The following DENND1A variants were observed in gnomAD, a reference collection of about 807,000 sequenced individuals.
The protein encoded by DENND1A is DENN domain-containing protein 1A.
A neutral mutation model predicts 113.7 loss-of-function variants in DENND1A; 51 were observed. That is an observed-to-expected ratio of 0.45 (90% CI 0.36 to 0.57). The LOEUF is 0.57. Among genes scored for constraint, DENND1A ranks in the 20% least tolerant of loss-of-function variants. The pLI, the probability that DENND1A is intolerant of heterozygous loss-of-function variation, is 0.00. For missense variants in DENND1A, 1,258 were observed against 1,395.9 expected, an observed-to-expected ratio of 0.90 and a Z score of 1.57; for synonymous variants, 565 against 570.8, an observed-to-expected ratio of 0.99 and a Z score of 0.14.
chr9:123,557,823 T>C, intron 12 of DENND1A, 128 bp from the exon 13 acceptor site: 2 of 1,133,410 alleles, frequency 1.8e-6, no homozygotes, highest in East Asian at 2.7e-5. Context: ...CCTCAGTTAC[T>C]GGGAGGACAA....
intron 5 of DENND1A, among the ~76,000 whole-genome samples, chr9:123,743,118 T>C (rs1010072210): frequency 2.6e-5 from 4 of 152,100 alleles, no homozygotes; most frequent in Non-Finnish European, 5.9e-5. Flanking sequence ...AAAAAATCTC[T>C]CCTGAGCGAG....
chr9:123,752,673 T>C (rs1051467783), intron 5 of DENND1A, among the ~76,000 whole-genome samples: 3 of 152,250 alleles, frequency 2.0e-5, no homozygotes, highest in Non-Finnish European at 4.4e-5. Context: ...CATTACAGTT[T>C]TGGCCTTGAT....
intron 15 of DENND1A, among the ~76,000 whole-genome samples, chr9:123,455,201 T>C (rs2048025904): frequency 6.6e-6 from 1 of 152,048 alleles, no homozygotes; most frequent in African/African-American, 2.4e-5. Context: ...CGGCAGCGAG[T>C]CACTGCCAGA....
At chr9:123,786,675 T>A (rs1357330872) in intron 3 of DENND1A, among the ~76,000 whole-genome samples, 2 of 152,192 alleles carry the variant, frequency 1.3e-5, no homozygotes, top group Non-Finnish European at 2.9e-5. Context: ...AATCAGAACA[T>A]ATCATCACTT....
chr9:123,925,517 G>A (rs1856949916), intron 1 of DENND1A, among the ~76,000 whole-genome samples: 2 of 152,072 alleles, frequency 1.3e-5, no homozygotes, highest in African/African-American at 4.8e-5. Flanking sequence ...GAGGGAGTCT[G>A]GAAGGGATTG....
intron 8 of DENND1A, among the ~76,000 whole-genome samples, chr9:123,656,064 A>G (rs1229034012): frequency 6.6e-6 from 1 of 152,258 alleles, no homozygotes; most frequent in Non-Finnish European, 1.5e-5. Context: ...ATGGCTGAGA[A>G]GCCTCACTCC....
At chr9:123,546,215 C>T (rs1238016019) in intron 13 of DENND1A, among the ~76,000 whole-genome samples, 2 of 152,048 alleles carry the variant, frequency 1.3e-5, no homozygotes, top group African/African-American at 2.4e-5. Context: ...TGGCTTATTC[C>T]TCTCAGGTTC....
At chr9:123,732,519 TAGG>T (rs1043453676) in intron 5 of DENND1A, among the ~76,000 whole-genome samples, 17 of 151,764 alleles carry the variant, frequency 1.1e-4, no homozygotes, top group African/African-American at 3.9e-4. Context: ...GGGTTAAGAG[TAGG>T]AGAAGGGTTT....
At chr9:123,746,175 A>G (rs1420490900) in intron 5 of DENND1A, among the ~76,000 whole-genome samples, 1 of 152,210 alleles carries the variant, frequency 6.6e-6, no homozygotes, top group Non-Finnish European at 1.5e-5. Flanking sequence ...ATATTTCACA[A>G]TTTACAAAAG....
chr9:123,534,164 G>A (rs534975452), intron 13 of DENND1A, among the ~76,000 whole-genome samples: 64 of 152,264 alleles, frequency 4.2e-4, no homozygotes, highest in South Asian at 1.7e-3. Context: ...AGACATTTTC[G>A]TCTTCCTCAC....
intron 13 of DENND1A, among the ~76,000 whole-genome samples, chr9:123,548,464 A>G (rs2056847237): frequency 6.6e-6 from 1 of 152,186 alleles, no homozygotes; most frequent in Non-Finnish European, 1.5e-5. Context: ...AGACACTGCT[A>G]CCCACTTAAC....
chr9:123,766,503 C>A (rs568440493), intron 4 of DENND1A, among the ~76,000 whole-genome samples: 1 of 152,332 alleles, frequency 6.6e-6, no homozygotes, highest in East Asian at 1.9e-4. Context: ...GTGGCAGCAT[C>A]CAGCACTTTG....
intron 13 of DENND1A, among the ~76,000 whole-genome samples, chr9:123,538,621 A>G (rs2055984010): frequency 6.6e-6 from 1 of 151,702 alleles, no homozygotes; most frequent in Admixed American, 6.6e-5. Context: ...CAAAGATGGG[A>G]GGGTTTGAGT....
intron 13 of DENND1A, among the ~76,000 whole-genome samples, chr9:123,464,260 T>C (rs143269041): frequency 8.9e-4 from 136 of 152,184 alleles, no homozygotes; most frequent in African/African-American, 2.9e-3. Flanking sequence ...GATGAAAATA[T>C]AGATAATGTA....
At chr9:123,681,438 A>G (rs1450153988) in intron 5 of DENND1A, among the ~76,000 whole-genome samples, 2 of 152,122 alleles carry the variant, frequency 1.3e-5, no homozygotes, top group Non-Finnish European at 2.9e-5. Flanking sequence ...ACAGTAGCAC[A>G]TGCTACTGTA....
rs187725643 is a variant in DENND1A, at chr9:123,822,044, G to A, written c.89-29414C>T. Among the ~76,000 whole-genome samples the A allele has an allele frequency of 5.7e-3, 864 of 152,276 alleles. 5 individuals carry two copies. Among genetic ancestry groups the A allele is most frequent in the Non-Finnish European group, 7.2e-3 (489 of 68,020 alleles). On this transcript the variant is annotated intron_variant, in intron 2 of 23. Transcript: ENST00000394215. ...ACTGAAAAATGAAATCACTTACCAA[G>A]CTACCACAATCATAACTATTATTGT...
intron 12 of DENND1A, among the ~76,000 whole-genome samples, chr9:123,570,070 C>T (rs2058272885): frequency 6.6e-6 from 1 of 152,160 alleles, no homozygotes; most frequent in South Asian, 2.1e-4. Flanking sequence ...CTGGTTCACA[C>T]CTCCAACCTC....
At chr9:123,485,028 A>G (rs2050675505) in intron 13 of DENND1A, among the ~76,000 whole-genome samples, 2 of 152,182 alleles carry the variant, frequency 1.3e-5, no homozygotes, top group African/African-American at 4.8e-5. Flanking sequence ...GGTAGCCACT[A>G]TAATTGTCTG....
chr9:123,686,246 C>T lies in DENND1A; in HGVS notation c.303-9457G>A, dbSNP rs890371271. On this transcript the variant is annotated intron_variant, in intron 5 of 23. Coordinates refer to ENST00000394215, the MANE Select transcript of DENND1A (RefSeq NM_001352964.2). Reference sequence around the variant, plus strand: ...CATTTTACAGATGAGAAAATTGAGTCGTAGAGAAATGAAGTAATTTCCCTA... The same window carrying T: ...CATTTTACAGATGAGAAAATTGAGTTGTAGAGAAATGAAGTAATTTCCCTA... 4.6e-5 allele frequency among the ~76,000 whole-genome samples: 7 copies of T among 152,174 alleles called. No homozygotes were observed. The South Asian group carries it at 8.3e-4, about 18-fold the overall frequency.
Sources: gnomAD v4.1 joint callset for allele counts (sites outside exome capture counted in the v4.1 genomes callset) on GRCh38, gnomAD v4.1.1 for gene constraint, MANE v1.5 for transcripts, NCBI Gene and HGNC (gene_info 2026-07-23, HGNC 2026-07-21) for gene names.